Variants in SLC44A5 observed in about 807,000 individuals in gnomAD.
The protein encoded by SLC44A5 is solute carrier family 44 member 5.
In SLC44A5, 57 loss-of-function variants were observed where a neutral mutation model predicts 101.8. The observed-to-expected ratio is 0.56, with a 90% CI of 0.45 to 0.70. The LOEUF is 0.70. SLC44A5 is among the 30% of genes least tolerant of loss of function. The pLI, the probability that SLC44A5 is intolerant of heterozygous loss-of-function variation, is 0.00. For synonymous variants in SLC44A5, 281 were observed against 290.9 expected (o/e 0.97, Z 0.35); for missense variants, 737 against 853.1 (o/e 0.86, Z 1.70).
chr1:75,401,648 G>T (rs903805744), intron 2 of SLC44A5, among the ~76,000 whole-genome samples: 3 of 152,102 alleles, frequency 2.0e-5, no homozygotes, highest in Non-Finnish European at 2.9e-5. Flanking sequence ...AGAGAAGTGG[G>T]ATGGGAAGGA....
upstream of SLC44A5, among the ~76,000 whole-genome samples, chr1:75,612,906 G>A (rs938820033): frequency 5.9e-5 from 9 of 152,054 alleles, no homozygotes; most frequent in South Asian, 4.1e-4. Flanking sequence ...GCATTTTTTC[G>A]TTAAAAACAT....
chr1:75,269,869 T>A lies in SLC44A5; in HGVS notation c.260+5089A>T, dbSNP rs1281232956. Among the ~76,000 whole-genome samples, 4 of 152,196 alleles carry A rather than the reference T, an allele frequency of 2.6e-5. No homozygotes were observed. In the East Asian group the frequency reaches 7.7e-4, roughly 29 times the overall value. On this transcript the variant is annotated intron_variant, in intron 6 of 23. Coordinates refer to ENST00000370859, the MANE Select transcript of SLC44A5 (RefSeq NM_001130058.2). ...ATGTCATCTTGAATTATAGCTCCCA[T>A]AATTCCCACATGTTGTGGGAGGGAA...
At chr1:75,535,083 T>G (rs1670923412) in intron 2 of SLC44A5, among the ~76,000 whole-genome samples, 1 of 152,026 alleles carries the variant, frequency 6.6e-6, no homozygotes, top group Non-Finnish European at 1.5e-5. Flanking sequence ...TTTTTTTTTT[T>G]TTTTTTAAAG....
chr1:75,253,258 C>T (rs1316555446), intron 6 of SLC44A5, among the ~76,000 whole-genome samples: 1 of 152,194 alleles, frequency 6.6e-6, no homozygotes, highest in African/African-American at 2.4e-5. Flanking sequence ...CTCTCTCTCA[C>T]TCCAAGTTCT....
intron 7 of SLC44A5, among the ~76,000 whole-genome samples, chr1:75,249,356 T>C (rs939191049): frequency 2.6e-5 from 4 of 152,044 alleles, no homozygotes; most frequent in Admixed American, 2.6e-4. Flanking sequence ...AATCATGAGG[T>C]AGCCTTAAAA....
intron 2 of SLC44A5, among the ~76,000 whole-genome samples, chr1:75,425,660 C>T (rs534563656): frequency 6.6e-6 from 1 of 152,182 alleles, no homozygotes; most frequent in African/African-American, 2.4e-5. Context: ...GTAGTGGCAG[C>T]CCCTACATGG....
At chr1:75,399,989 A>C (rs1662374412) in intron 2 of SLC44A5, among the ~76,000 whole-genome samples, 1 of 152,228 alleles carries the variant, frequency 6.6e-6, no homozygotes, top group South Asian at 2.1e-4. Context: ...CAACCATGGA[A>C]TACTAAGCCG....
At chr1:75,642,050 T>C in the SLC44A5 span, 1 of 1,371,074 alleles carries the variant, frequency 7.3e-7, no homozygotes, top group East Asian at 2.3e-5. Context: ...TATTTCTGTG[T>C]CTTCTGGTCC....
At chr1:75,236,951 G>A (rs755588580) in intron 11 of SLC44A5, 36 bp downstream of exon 11, 2 of 1,138,632 alleles carry the variant, frequency 1.8e-6, no homozygotes, top group Admixed American at 1.7e-5. Context: ...AATCAGAATG[G>A]GGCTGGAGAA....
chr1:75,276,350 A>G (rs1178893015), intron 5 of SLC44A5, among the ~76,000 whole-genome samples: 1 of 152,176 alleles, frequency 6.6e-6, no homozygotes, highest in East Asian at 1.9e-4. Context: ...TTCTGCTTCT[A>G]TACCTTAGTT....
intron 5 of SLC44A5, among the ~76,000 whole-genome samples, chr1:75,287,123 G>A (rs1653117910): frequency 6.6e-6 from 1 of 152,006 alleles, no homozygotes; most frequent in South Asian, 2.1e-4. Context: ...CTTTTTGGAG[G>A]CTTTGTTTTT....
chr1:75,385,605 T>A (rs993410723), intron 3 of SLC44A5, among the ~76,000 whole-genome samples: 54 of 152,314 alleles, frequency 3.5e-4, no homozygotes, highest in African/African-American at 1.3e-3. Context: ...CCAGATGGAT[T>A]CACAGCCAAA....
intron 2 of SLC44A5, among the ~76,000 whole-genome samples, chr1:75,509,325 G>A (rs184283346): frequency 1.2e-4 from 18 of 152,292 alleles, no homozygotes; most frequent in African/African-American, 3.8e-4. Flanking sequence ...TCGTATTTCT[G>A]AAACTGTTTG....
chr1:75,368,095 C>T (rs2101150875), intron 3 of SLC44A5, among the ~76,000 whole-genome samples: 1 of 152,292 alleles, frequency 6.6e-6, no homozygotes, highest in South Asian at 2.1e-4. Flanking sequence ...CCTCACATCA[C>T]TAGGCCAGGT....
intron 12 of SLC44A5, among the ~76,000 whole-genome samples, chr1:75,231,712 T>C (rs755489415): frequency 7.2e-5 from 11 of 152,164 alleles, no homozygotes; most frequent in African/African-American, 1.7e-4. Context: ...GAGAAACCTA[T>C]GAATTAAAGA....
intron 1 of SLC44A5, among the ~76,000 whole-genome samples, chr1:75,604,319 C>T (rs1346899060): frequency 1.3e-5 from 2 of 151,972 alleles, no homozygotes. Context: ...GGTCAGCTGG[C>T]TATAGGAATG....
At chr1:75,270,848 A>T (rs187641637) in intron 6 of SLC44A5, among the ~76,000 whole-genome samples, 10 of 152,144 alleles carry the variant, frequency 6.6e-5, no homozygotes, top group African/African-American at 2.4e-4. Context: ...ATCATTATGT[A>T]CTGAAATTTG....
intron 23 of SLC44A5, among the ~76,000 whole-genome samples, chr1:75,209,884 A>T (rs1646819405): frequency 6.6e-6 from 1 of 152,134 alleles, no homozygotes. Context: ...ATAATCTCTC[A>T]GGATGTGTAG....
At chr1:75,683,575 G>T in the SLC44A5 span, among the ~76,000 whole-genome samples, 1 of 152,094 alleles carries the variant, frequency 6.6e-6, no homozygotes, top group Non-Finnish European at 1.5e-5. Flanking sequence ...ATGGAAACAG[G>T]AAGGGGAACA....
Sources: allele counts gnomAD v4.1 joint callset (sites outside exome capture counted in the v4.1 genomes callset), GRCh38; gene constraint gnomAD v4.1.1; transcripts MANE v1.5; gene names NCBI Gene and HGNC (gene_info 2026-07-23, HGNC 2026-07-21).